Variants in FABP7 observed in about 807,000 individuals in gnomAD.
The protein encoded by FABP7 is fatty acid binding protein 7, also known as fatty acid-binding protein, brain.
In FABP7, 13 loss-of-function variants were observed where a neutral mutation model predicts 14.2. The observed-to-expected ratio is 0.91, with a 90% CI of 0.59 to 1.45. FABP7 has a LOEUF of 1.45. FABP7 is among the 40% of genes most tolerant of loss of function. The pLI is 0.00. For missense variants in FABP7, 149 were observed against 157.6 expected (o/e 0.95, Z 0.29); for synonymous variants, 49 against 51.4 (o/e 0.95, Z 0.20).
chr6:122,749,826 A>G, the FABP7 span, among the ~76,000 whole-genome samples: 1 of 152,222 alleles, frequency 6.6e-6, no homozygotes, highest in Non-Finnish European at 1.5e-5. Context: ...TGTATTATAA[A>G]AGATCATTTC....
intron 3 of FABP7, chr6:122,781,544 T>A: frequency 7.7e-7 from 1 of 1,291,752 alleles, no homozygotes; most frequent in East Asian, 2.7e-5. Context: ...CCATAATCAC[T>A]GAAATATATA....
intron 2 of FABP7, 50 bp downstream of exon 2, chr6:122,780,513 G>A: frequency 6.4e-7 from 1 of 1,551,850 alleles, no homozygotes; most frequent in Non-Finnish European, 8.8e-7. Context: ...GGGGAATAAA[G>A]ATAAAGATTT....
At chr6:122,781,912 T>G (rs1403849418) in intron 3 of FABP7, 9 of 427,110 alleles carry the variant, frequency 2.1e-5, no homozygotes, top group Non-Finnish European at 2.8e-5. Context: ...CGGGCTAATT[T>G]TTTTGTATTT....
rs199880679 is a variant in FABP7, at chr6:122,779,747, A to C, written c.-48A>C. The C allele has an allele frequency of 1.9e-6, 3 of 1,586,392 alleles. No individual in the cohort carries two copies. Among genetic ancestry groups the C allele is most frequent in the East Asian group, 2.2e-5 (1 of 44,764 alleles). On this transcript the variant is annotated 5_prime_UTR_variant, in exon 1 of 4. Transcript: ENST00000368444. ...GGTCTTCTGAGCTGCAGTGGCAATTAGACCAGAAGATCCCCGCTCCTGTCT... is the reference window on the plus strand; with the variant it reads ...GGTCTTCTGAGCTGCAGTGGCAATTCGACCAGAAGATCCCCGCTCCTGTCT...
chr6:122,772,248 T>G, the FABP7 span, among the ~76,000 whole-genome samples: 1 of 152,166 alleles, frequency 6.6e-6, no homozygotes, highest in East Asian at 1.9e-4. Context: ...GACTTTTTAA[T>G]AATAAACCCA....
chr6:122,776,055 G>A (rs146658578), upstream of FABP7, among the ~76,000 whole-genome samples: 1 of 152,016 alleles, frequency 6.6e-6, no homozygotes, highest in African/African-American at 2.4e-5. Context: ...GTTGATAAAG[G>A]GGCAATGCTT....
At chr6:122,781,037 A>T (rs1780767883) in intron 2 of FABP7, 56 bp from the exon 3 acceptor site, 1 of 1,541,426 alleles carries the variant, frequency 6.5e-7, no homozygotes, top group African/African-American at 1.4e-5. Context: ...CGTCTTCCGT[A>T]TCAGAAATCT....
At chr6:122,771,400 C>T in the FABP7 span, among the ~76,000 whole-genome samples, 1 of 152,118 alleles carries the variant, frequency 6.6e-6, no homozygotes, top group Non-Finnish European at 1.5e-5. Context: ...AGCTACCTAC[C>T]TGTTAATCAT....
chr6:122,770,111 T>C, the FABP7 span, among the ~76,000 whole-genome samples: 1 of 152,038 alleles, frequency 6.6e-6, no homozygotes, highest in South Asian at 2.1e-4. Context: ...AGAATTATCT[T>C]TTTTTTAATG....
the FABP7 span, among the ~76,000 whole-genome samples, chr6:122,766,345 A>T: frequency 6.6e-6 from 1 of 152,074 alleles, no homozygotes; most frequent in Non-Finnish European, 1.5e-5. Context: ...TCTAACTTTG[A>T]GTGGTTGAAG....
chr6:122,763,604 C>T, the FABP7 span, among the ~76,000 whole-genome samples: 54 of 152,290 alleles, frequency 3.5e-4, no homozygotes, highest in African/African-American at 1.2e-3. Flanking sequence ...GAACAGCCAA[C>T]CTACAGAATG....
the FABP7 span, among the ~76,000 whole-genome samples, chr6:122,764,813 C>A: frequency 9.2e-5 from 14 of 152,112 alleles, no homozygotes; most frequent in Admixed American, 9.2e-4. Context: ...TGTTCAGAAT[C>A]TAGACTTAAT....
chr6:122,750,281 A>C, the FABP7 span, among the ~76,000 whole-genome samples: 1 of 152,144 alleles, frequency 6.6e-6, no homozygotes, highest in African/African-American at 2.4e-5. Context: ...GCATGCACTG[A>C]ATATGATTAC....
upstream of FABP7, chr6:122,779,411 A>G (rs1780725031): frequency 5.4e-6 from 1 of 184,582 alleles, no homozygotes; most frequent in African/African-American, 2.3e-5. Flanking sequence ...TTCTCACCGA[A>G]CCTGAAAGCC....
At chr6:122,782,307 G>A in intron 3 of FABP7, 5 of 658,130 alleles carry the variant, frequency 7.6e-6, no homozygotes, top group Non-Finnish European at 9.4e-6. Context: ...GGACGCCTGA[G>A]ATCAAGGCGA....
At chr6:122,751,141 G>A in the FABP7 span, among the ~76,000 whole-genome samples, 1 of 152,062 alleles carries the variant, frequency 6.6e-6, no homozygotes, top group South Asian at 2.1e-4. Flanking sequence ...TAAAATTGTT[G>A]TCAATTAGTT....
the FABP7 span, among the ~76,000 whole-genome samples, chr6:122,759,014 G>A: frequency 6.6e-6 from 1 of 152,128 alleles, no homozygotes; most frequent in Non-Finnish European, 1.5e-5. Flanking sequence ...AAGCTCCCTT[G>A]GGACCAACAT....
the FABP7 span, among the ~76,000 whole-genome samples, chr6:122,758,350 C>T: frequency 4.9e-3 from 739 of 152,128 alleles, 11 homozygotes; most frequent in African/African-American, 0.017. Flanking sequence ...TCAGATGATC[C>T]GCCCACCTTG....
chr6:122,783,566 T>C (rs1369690030), intron 3 of FABP7, 151 bp from the exon 4 acceptor site: 5 of 1,374,300 alleles, frequency 3.6e-6, no homozygotes, highest in Non-Finnish European at 4.7e-6. Flanking sequence ...ATATAGGGTC[T>C]CTTTTCAAGA....
Sources: allele counts gnomAD v4.1 joint callset (sites outside exome capture counted in the v4.1 genomes callset), GRCh38; gene constraint gnomAD v4.1.1; transcripts MANE v1.5; gene names NCBI Gene and HGNC (gene_info 2026-07-23, HGNC 2026-07-21).